KDM4C: variants seen among roughly 807,000 people sequenced by gnomAD.
The protein encoded by KDM4C is lysine-specific demethylase 4C.
In KDM4C, 81 loss-of-function variants were observed where a neutral mutation model predicts 129.3. The observed-to-expected ratio is 0.63, with a 90% CI of 0.52 to 0.75. The LOEUF (loss-of-function observed/expected upper bound fraction) is 0.75, where lower values mean the gene tolerates loss of function less well. Ranked by LOEUF, KDM4C falls within the 30% of genes least tolerant of loss-of-function variation. The pLI is 0.00. For synonymous variants in KDM4C, 573 were observed against 456.1 expected (o/e 1.26, Z -3.26); for missense variants, 1,457 against 1,304.0 (o/e 1.12, Z -1.81).
At chr9:7,065,756 C>G (rs1832333193) in intron 17 of KDM4C, among the ~76,000 whole-genome samples, 1 of 152,060 alleles carries the variant, frequency 6.6e-6, no homozygotes, top group Non-Finnish European at 1.5e-5. Flanking sequence ...TTATAATATG[C>G]TGGCCATTTG....
chr9:6,786,463 A>C (rs1564001777), intron 1 of KDM4C, among the ~76,000 whole-genome samples: 1 of 152,352 alleles, frequency 6.6e-6, no homozygotes, highest in East Asian at 1.9e-4. Flanking sequence ...TGGAAGCAAG[A>C]TAACAGTTGC....
At chr9:7,022,874 C>G (rs946687162) in intron 15 of KDM4C, among the ~76,000 whole-genome samples, 4 of 152,070 alleles carry the variant, frequency 2.6e-5, no homozygotes, top group African/African-American at 4.8e-5. Context: ...TGGACTTTAT[C>G]AAATGCTTTT....
At chr9:6,963,949 T>C (rs1830458754) in intron 8 of KDM4C, among the ~76,000 whole-genome samples, 1 of 152,170 alleles carries the variant, frequency 6.6e-6, no homozygotes, top group Non-Finnish European at 1.5e-5. Flanking sequence ...GTTTGAAAAA[T>C]GGTTAGAAAG....
intron 5 of KDM4C, among the ~76,000 whole-genome samples, chr9:6,875,782 A>G (rs7036463): frequency 0.17 from 25,301 of 152,174 alleles, 3,106 homozygotes; most frequent in East Asian, 0.4. Flanking sequence ...TACCCCCGCT[A>G]CTTACATGGA....
At position 7,001,155 on chromosome 9, in the gene KDM4C, T is replaced by A. The variant is rs913922991; in HGVS notation, c.1787-10543T>A. On this transcript the variant is annotated intron_variant, in intron 12 of 21. Transcript: ENST00000381309. ...GTTAGGTTCCCAGGCTTCAGAGAAA[T>A]GGTGAGATGAGTATATCTTTATACC... Among the ~76,000 whole-genome samples the A allele has an allele frequency of 2.0e-5, 3 of 152,270 alleles. No homozygotes were observed. The South Asian group carries it at 6.2e-4, about 32-fold the overall frequency.
chr9:6,828,243 G>A (rs1175117039), intron 4 of KDM4C, among the ~76,000 whole-genome samples: 1 of 151,984 alleles, frequency 6.6e-6, no homozygotes, highest in East Asian at 1.9e-4. Flanking sequence ...CGCCTCCCAG[G>A]TTCAGGCCAT....
intron 19 of KDM4C, among the ~76,000 whole-genome samples, chr9:7,161,770 C>T (rs1210996771): frequency 6.6e-6 from 1 of 152,214 alleles, no homozygotes; most frequent in Non-Finnish European, 1.5e-5. Context: ...GGGACACCCA[C>T]CAGCTTCTAC....
At chr9:6,862,375 G>A (rs1841095656) in intron 5 of KDM4C, among the ~76,000 whole-genome samples, 1 of 152,046 alleles carries the variant, frequency 6.6e-6, no homozygotes, top group African/African-American at 2.4e-5. Flanking sequence ...AATATTTCAG[G>A]CTTTGTGTAT....
chr9:7,103,537 C>G (rs1378701967), intron 17 of KDM4C, 148 bp from the exon 18 acceptor site: 2 of 621,708 alleles, frequency 3.2e-6, no homozygotes, highest in Non-Finnish European at 5.6e-6. Context: ...GCTGTCACCA[C>G]TAGGGCCCCT....
intron 8 of KDM4C, among the ~76,000 whole-genome samples, chr9:6,946,399 G>A (rs1025080228): frequency 6.6e-6 from 1 of 151,906 alleles, no homozygotes; most frequent in Non-Finnish European, 1.5e-5. Flanking sequence ...CAGTAATTTT[G>A]TAATATTTCT....
chr9:6,776,409 A>C (rs370887800), intron 1 of KDM4C, among the ~76,000 whole-genome samples: 4 of 151,766 alleles, frequency 2.6e-5, no homozygotes, highest in Admixed American at 2.6e-4. Flanking sequence ...ATACGGGCCA[A>C]TGCCATCACG....
chr9:6,877,758 C>G (rs1020773917), intron 5 of KDM4C, among the ~76,000 whole-genome samples: 9 of 152,134 alleles, frequency 5.9e-5, no homozygotes, highest in African/African-American at 1.7e-4. Flanking sequence ...ATTTCTAAAA[C>G]ATTAAAATTA....
intron 1 of KDM4C, among the ~76,000 whole-genome samples, chr9:6,777,458 G>A (rs2130715075): frequency 6.6e-6 from 1 of 152,348 alleles, no homozygotes; most frequent in South Asian, 2.1e-4. Flanking sequence ...CTCCGGGGCT[G>A]TGGGAGGACT....
rs570106367 is a variant in KDM4C at position 7,087,013 on chromosome 9, T to C, written c.2425-16672T>C. On this transcript the variant is annotated intron_variant, in intron 17 of 21. Coordinates refer to ENST00000381309, the MANE Select transcript of KDM4C (RefSeq NM_015061.6). ...CTCTGGCATGCCAGATGCAAAATACTGGCTCTCATAAAGCTGGAAAAGGGA... is the reference window on the plus strand; with the variant it reads ...CTCTGGCATGCCAGATGCAAAATACCGGCTCTCATAAAGCTGGAAAAGGGA... Among the ~76,000 whole-genome samples, 3 of 152,120 alleles carry C rather than the reference T, an allele frequency of 2.0e-5. No individual in the cohort carries two copies. In the East Asian group the frequency reaches 5.8e-4, roughly 29 times the overall value.
At chr9:6,950,684 C>T (rs183968392) in intron 8 of KDM4C, among the ~76,000 whole-genome samples, 86 of 152,292 alleles carry the variant, frequency 5.6e-4, no homozygotes, top group Middle Eastern at 3.4e-3. Flanking sequence ...CTCCTGATAA[C>T]GTTTATTGTA....
intron 9 of KDM4C, among the ~76,000 whole-genome samples, chr9:6,983,342 C>G (rs1286333044): frequency 6.6e-6 from 1 of 152,060 alleles, no homozygotes; most frequent in Non-Finnish European, 1.5e-5. Context: ...ATGTAAAAAG[C>G]ATATATGCCA....
At chr9:6,770,238 G>A (rs114203948) in intron 1 of KDM4C, among the ~76,000 whole-genome samples, 2,060 of 151,728 alleles carry the variant, frequency 0.014, 58 homozygotes, top group African/African-American at 0.047. Flanking sequence ...AGAACCCCGT[G>A]TGTTGTAAAT....
intron 4 of KDM4C, among the ~76,000 whole-genome samples, chr9:6,841,053 G>A (rs1193039217): frequency 6.6e-6 from 1 of 152,212 alleles, no homozygotes; most frequent in Non-Finnish European, 1.5e-5. Flanking sequence ...ACTTCGTTAA[G>A]TTACGGGGTA....
intron 8 of KDM4C, among the ~76,000 whole-genome samples, chr9:6,948,679 G>T (rs1286050633): frequency 1.3e-5 from 2 of 151,562 alleles, no homozygotes; most frequent in African/African-American, 2.4e-5. Context: ...AGGGAGTGGT[G>T]ATGACTCTTA....
Sources: gnomAD v4.1 joint callset for allele counts (sites outside exome capture counted in the v4.1 genomes callset) on GRCh38, gnomAD v4.1.1 for gene constraint, MANE v1.5 for transcripts, NCBI Gene and HGNC (gene_info 2026-07-23, HGNC 2026-07-21) for gene names.